The following RGS3 variants were observed in gnomAD, a reference collection of about 807,000 sequenced individuals.
RGS3 encodes the protein regulator of G protein signaling 3, also known as regulator of G-protein signalling 3.
RGS3 carries 80 observed loss-of-function variants against 132.6 expected under a neutral mutation model. The ratio of observed to expected loss-of-function variants is 0.60; its 90% confidence interval spans 0.50 to 0.73. RGS3 has a LOEUF of 0.73. Among genes scored for constraint, RGS3 ranks in the 30% least tolerant of loss-of-function variants. RGS3 has a pLI of 0.00. For synonymous variants in RGS3, 598 were observed against 620.6 expected, an observed-to-expected ratio of 0.96 and a Z score of 0.54; for missense variants, 1,382 against 1,530.8, an observed-to-expected ratio of 0.90 and a Z score of 1.62.
upstream of RGS3, among the ~76,000 whole-genome samples, chr9:113,457,117 CCT>C (rs1379237414): frequency 2.0e-5 from 3 of 152,094 alleles, no homozygotes; most frequent in East Asian, 1.9e-4. Flanking sequence ...TGATTTGGCC[CCT>C]GTTTACTTTC....
chr9:113,477,777 A>G (rs559004545), intron 3 of RGS3, among the ~76,000 whole-genome samples: 2 of 152,238 alleles, frequency 1.3e-5, no homozygotes, highest in African/African-American at 4.8e-5. Context: ...GGCTCCCACC[A>G]CAGGAAGCAA....
At chr9:113,460,109 C>A, upstream of RGS3, 1 of 485,618 alleles carries the variant, frequency 2.1e-6, no homozygotes, top group Non-Finnish European at 2.8e-6. Flanking sequence ...TTCTGGTTTT[C>A]TGTATACATT....
At position 113,591,447 on chromosome 9, in the gene RGS3, C is replaced by A; in HGVS notation, c.3080+50C>A. 6.6e-7 allele frequency: 1 copy of A among 1,525,202 alleles called. No homozygotes were observed. Among genetic ancestry groups the A allele is most frequent in the Non-Finnish European group, 9.1e-7 (1 of 1,100,100 alleles). The allele number at this position is 1,525,202 out of a possible 1,614,324, so 94.5% of individuals were successfully genotyped here. A position where few individuals can be genotyped will look rare whatever the true frequency, so the allele number is the denominator to read the frequency against. ...CTGCGCTCCTCTTCCTCCCTTGCCC[C>A]AGGGCTTGTCTCTCCTCTAGGGGTC... On this transcript the variant is annotated intron_variant, in intron 21 of 24. Coordinates refer to ENST00000350696, the Ensembl canonical transcript of RGS3. This position sits in a 1 kb window ranked among gnomAD's most constrained non-coding sequence, Gnocchi z 4.4.
chr9:113,461,496 G>A (rs571530607), intron 1 of RGS3, among the ~76,000 whole-genome samples: 1 of 152,162 alleles, frequency 6.6e-6, no homozygotes, highest in Admixed American at 6.5e-5. Context: ...CTTCCAGCAC[G>A]CTACTGAGTA....
At chr9:113,542,829 G>C (rs780660436) in intron 19 of RGS3, among the ~76,000 whole-genome samples, 3 of 152,188 alleles carry the variant, frequency 2.0e-5, no homozygotes, top group Non-Finnish European at 4.4e-5. Flanking sequence ...CATTGTGATA[G>C]GAAGCTGCCA....
At chr9:113,482,050 AAAAAAAAAAAC>A (rs1830177603) in intron 4 of RGS3, among the ~76,000 whole-genome samples, 1 of 151,654 alleles carries the variant, frequency 6.6e-6, no homozygotes, top group African/African-American at 2.4e-5. Context: ...CCATCTCAAA[AAAAAAAAAAAC>A]AAAAAAAACA....
At chr9:113,502,216 A>T (rs1351097049) in intron 10 of RGS3, among the ~76,000 whole-genome samples, 1 of 152,158 alleles carries the variant, frequency 6.6e-6, no homozygotes, top group Non-Finnish European at 1.5e-5. Flanking sequence ...TTATGATCCC[A>T]TTAGCTCCCC....
chr9:113,498,771 A>G (rs1026400028), intron 10 of RGS3, among the ~76,000 whole-genome samples: 2 of 151,720 alleles, frequency 1.3e-5, no homozygotes, highest in African/African-American at 4.8e-5. Context: ...AAAAAAATTA[A>G]CTAGACATGG....
chr9:113,481,583 C>T (rs1830159606), intron 4 of RGS3, among the ~76,000 whole-genome samples: 1 of 152,222 alleles, frequency 6.6e-6, no homozygotes, highest in South Asian at 2.1e-4. Flanking sequence ...TTGCAAAATG[C>T]ATCTTGGCCT....
At chr9:113,536,916 A>C in exon 19 of RGS3, 2 of 1,613,902 alleles carry the variant, frequency 1.2e-6, no homozygotes, top group South Asian at 1.1e-5. Flanking sequence ...CCCGGACAGC[A>C]AGGTAAGGGC....
intron 18 of RGS3, among the ~76,000 whole-genome samples, chr9:113,530,649 T>C (rs1426222854): frequency 6.6e-6 from 1 of 152,250 alleles, no homozygotes; most frequent in Non-Finnish European, 1.5e-5. Context: ...GGGTTAGTTT[T>C]TTCCCAGAGA....
chr9:113,595,619 G>T, exon 24 of RGS3: 1 of 1,614,174 alleles, frequency 6.2e-7, no homozygotes, highest in Non-Finnish European at 8.5e-7. Flanking sequence ...AGTGTTCCAA[G>T]CCTTCCTTCG....
rs1299521354 is a variant in RGS3, at chr9:113,591,551, TTGCAG to T, written c.3080+157_3080+161del. ...CAAGGAAAAACTGGATCTTGGAACT[TTGCAG>T]TGACCCCAAAGTGGGGTCACCTGGG... is the stretch of plus-strand genomic sequence containing the variant. On this transcript the variant is annotated intron_variant, in intron 21 of 24. Transcript: ENST00000350696. The surrounding 1 kb of genome is among the most constrained non-coding windows in gnomAD (Gnocchi z 4.4). 4.3e-6 allele frequency: 3 copies of T among 691,628 alleles called. No individual in the cohort carries two copies. The highest frequency in any genetic ancestry group is 7.7e-6 in the Non-Finnish European group (3 of 390,848). 42.8% of individuals were successfully genotyped at this position (691,628 alleles called of 1,614,324 possible). A position where few individuals can be genotyped will look rare whatever the true frequency, so the allele number is the denominator to read the frequency against.
intron 19 of RGS3, chr9:113,580,974 T>A: frequency 1.0e-6 from 1 of 985,350 alleles, no homozygotes; most frequent in Non-Finnish European, 1.2e-6. Context: ...CGGTTGCTGC[T>A]TCCTTCCGTC....
intron 6 of RGS3, 29 bp from the exon 5 acceptor site, chr9:113,485,596 A>G: frequency 6.4e-7 from 1 of 1,570,700 alleles, no homozygotes; most frequent in Non-Finnish European, 8.7e-7. Flanking sequence ...GCCCTTACTA[A>G]CACTCCGATG....
chr9:113,490,208 C>G (rs1289455044), intron 7 of RGS3, among the ~76,000 whole-genome samples: 2 of 152,140 alleles, frequency 1.3e-5, no homozygotes, highest in East Asian at 1.9e-4. Context: ...TTTATAGGCA[C>G]TTTCAAATGT....
At chr9:113,466,492 G>T (rs1428087513) in intron 3 of RGS3, among the ~76,000 whole-genome samples, 2 of 152,234 alleles carry the variant, frequency 1.3e-5, no homozygotes, top group Non-Finnish European at 2.9e-5. Flanking sequence ...CCCAAAAGGA[G>T]TATGTTCAAG....
chr9:113,491,711 C>T (rs531050351), intron 7 of RGS3, among the ~76,000 whole-genome samples: 6 of 152,026 alleles, frequency 3.9e-5, no homozygotes, highest in South Asian at 4.2e-4. Flanking sequence ...CATGCCACCA[C>T]GCTTGGCTAA....
intron 18 of RGS3, among the ~76,000 whole-genome samples, chr9:113,533,234 T>TTG (rs1325156462): frequency 1.1e-5 from 1 of 94,756 alleles, no homozygotes; most frequent in Non-Finnish European, 2.4e-5. Context: ...GAAAATTCTG[T>TTG]TTTTTTTTTT....
Sources: gnomAD v4.1 joint callset for allele counts (sites outside exome capture counted in the v4.1 genomes callset) on GRCh38, gnomAD v4.1.1 for gene constraint, Gnocchi (gnomAD v3.1) non-coding constraint, MANE v1.5 for transcripts, NCBI Gene and HGNC (gene_info 2026-07-23, HGNC 2026-07-21) for gene names.